The following CHL1 variants were observed in gnomAD, a reference collection of about 807,000 sequenced individuals.
CHL1 encodes the protein cell adhesion molecule L1 like.
A neutral mutation model predicts 141.9 loss-of-function variants in CHL1; 96 were observed. The observed-to-expected ratio is 0.68, with a 90% CI of 0.57 to 0.80. CHL1 has a LOEUF of 0.80. Ranked by LOEUF, CHL1 falls within the 30% of genes least tolerant of loss-of-function variation. CHL1 has a pLI of 0.00. For synonymous variants in CHL1, 613 were observed against 502.2 expected (o/e 1.22, Z -2.95); for missense variants, 1,820 against 1,457.2 (o/e 1.25, Z -4.05).
intron 1 of CHL1, among the ~76,000 whole-genome samples, chr3:238,792 ATG>A (rs1301383121): frequency 5.4e-5 from 8 of 148,694 alleles, no homozygotes; most frequent in African/African-American, 2.0e-4. Flanking sequence ...AAATAGCTGG[ATG>A]TGGTGGCGGG....
intron 2 of CHL1, among the ~76,000 whole-genome samples, chr3:316,374 T>C (rs765736229): frequency 2.0e-5 from 3 of 152,002 alleles, no homozygotes; most frequent in Non-Finnish European, 4.4e-5. Context: ...AAGATATGTA[T>C]TATGTTGGTG....
chr3:337,942 A>C lies in CHL1; in HGVS notation c.386-2852A>C, dbSNP rs773212928. Among the ~76,000 whole-genome samples, 148 of 152,166 alleles carry C rather than the reference A, an allele frequency of 9.7e-4. 1 individual carries two copies. The highest frequency in any genetic ancestry group is 1.4e-3 in the South Asian group (7 of 4,830). ...TTCTAGTTCTAGATCCCTGAGGAAT[A>C]ACACTGTCTTCCACAATGGTTGAAC... On this transcript the variant is annotated intron_variant, in intron 5 of 27. Coordinates refer to ENST00000256509, the MANE Select transcript of CHL1 (RefSeq NM_006614.4).
intron 1 of CHL1, among the ~76,000 whole-genome samples, chr3:205,637 G>A (rs1253557635): frequency 6.6e-6 from 1 of 152,154 alleles, no homozygotes; most frequent in Non-Finnish European, 1.5e-5. Flanking sequence ...ATGTTTGTGT[G>A]TGTCTGTGTG....
chr3:300,112 A>G (rs888476317), intron 2 of CHL1, among the ~76,000 whole-genome samples: 3 of 152,202 alleles, frequency 2.0e-5, no homozygotes, highest in African/African-American at 7.2e-5. Context: ...TATTTCAGAG[A>G]TGAAGTAATA....
At chr3:328,548 T>G (rs1399070979) in intron 5 of CHL1, 194 bp downstream of exon 5, 3 of 448,096 alleles carry the variant, frequency 6.7e-6, no homozygotes, top group Non-Finnish European at 1.2e-5. Context: ...ACAACATAAT[T>G]TGACTCTGTT....
intron 2 of CHL1, among the ~76,000 whole-genome samples, chr3:310,956 A>G (rs1699704587): frequency 1.3e-5 from 2 of 152,100 alleles, no homozygotes; most frequent in South Asian, 4.2e-4. Context: ...CCTTTTCCAG[A>G]GTGTCGTGTA....
intron 1 of CHL1, among the ~76,000 whole-genome samples, chr3:232,182 G>A (rs575218122): frequency 6.6e-6 from 1 of 152,238 alleles, no homozygotes; most frequent in Admixed American, 6.5e-5. Flanking sequence ...AGGCACCGGA[G>A]AATCATGATC....
intron 1 of CHL1, among the ~76,000 whole-genome samples, chr3:238,423 A>T (rs1457287907): frequency 9.3e-6 from 1 of 107,576 alleles, no homozygotes; most frequent in Non-Finnish European, 2.4e-5. Flanking sequence ...AAAGGAAAAA[A>T]AATAAAAAAA....
At position 408,006 on chromosome 3, in the gene CHL1, A is replaced by C. The variant is rs1043895718; in HGVS notation, c.*2295A>C. 3.9e-5 allele frequency: 6 copies of C among 152,096 alleles called. No individual in the cohort carries two copies. Among genetic ancestry groups the C allele is most frequent in the Non-Finnish European group, 1.5e-5 (1 of 68,014 alleles). 9.4% of individuals were successfully genotyped at this position (152,096 alleles called of 1,614,324 possible). On this transcript the variant is annotated 3_prime_UTR_variant, in exon 28 of 28. Coordinates refer to ENST00000256509, the MANE Select transcript of CHL1 (RefSeq NM_006614.4). ...CAACTACTGGGACTCTTCAGCACAA[A>C]AGGAATAGATCTATGATTGACCCTG...
At chr3:326,511 A>T (rs1317855688) in intron 4 of CHL1, among the ~76,000 whole-genome samples, 1 of 151,756 alleles carries the variant, frequency 6.6e-6, no homozygotes, top group Non-Finnish European at 1.5e-5. Context: ...ATTTTTTTTA[A>T]GTTGTCATAG....
chr3:213,726 T>G (rs765104017), intron 1 of CHL1: 8 of 152,106 alleles, frequency 5.3e-5, no homozygotes, highest in Non-Finnish European at 1.0e-4. Flanking sequence ...AGGAAAGAGG[T>G]AGAATTTGGA....
chr3:379,072 C>T lies in CHL1; in HGVS notation c.1876+1130C>T, dbSNP rs1004412626. ...CTTTATCATATGTCTACATTAATCACTGTTATCAACAGACCTTTGTGTCTT... is the reference window on the plus strand; with the variant it reads ...CTTTATCATATGTCTACATTAATCATTGTTATCAACAGACCTTTGTGTCTT... On this transcript the variant is annotated intron_variant, in intron 16 of 27. Coordinates refer to ENST00000256509, the MANE Select transcript of CHL1 (RefSeq NM_006614.4). 2.6e-5 allele frequency among the ~76,000 whole-genome samples: 4 copies of T among 152,092 alleles called. No homozygotes were observed. The East Asian group carries it at 7.7e-4, about 29-fold the overall frequency.
chr3:351,468 G>T (rs534358096), intron 10 of CHL1, among the ~76,000 whole-genome samples: 20 of 152,212 alleles, frequency 1.3e-4, no homozygotes, highest in African/African-American at 4.3e-4. Context: ...CTAAAGTGTG[G>T]AGGTAATAAA....
At chr3:343,181 G>C (rs372228004) in intron 8 of CHL1, 150 bp downstream of exon 8, 5 of 540,610 alleles carry the variant, frequency 9.2e-6, no homozygotes, top group East Asian at 6.3e-5. Context: ...TGCCCCCCAT[G>C]CCCTCTTAAA....
At chr3:378,616 T>C (rs1044604441) in intron 16 of CHL1, among the ~76,000 whole-genome samples, 4 of 152,184 alleles carry the variant, frequency 2.6e-5, no homozygotes, top group African/African-American at 7.2e-5. Context: ...AAGGTTGCTT[T>C]TAAGGACAAC....
chr3:223,500 T>C (rs1340239335), intron 1 of CHL1, among the ~76,000 whole-genome samples: 4 of 152,188 alleles, frequency 2.6e-5, no homozygotes, highest in Non-Finnish European at 5.9e-5. Context: ...TCTCAGAAGG[T>C]TGTTGCAATT....
intron 2 of CHL1, among the ~76,000 whole-genome samples, chr3:297,995 G>C (rs1698356577): frequency 6.6e-6 from 1 of 152,086 alleles, no homozygotes; most frequent in Non-Finnish European, 1.5e-5. Flanking sequence ...ATATTAGGTG[G>C]TCATCTTGAT....
chr3:316,719 T>C, intron 2 of CHL1, among the ~76,000 whole-genome samples: 1 of 151,928 alleles, frequency 6.6e-6, no homozygotes, highest in South Asian at 2.1e-4. Context: ...ATGTAATTAT[T>C]CCACATTGTA....
intron 3 of CHL1, among the ~76,000 whole-genome samples, chr3:324,091 C>G (rs1437196246): frequency 6.6e-6 from 1 of 152,060 alleles, no homozygotes; most frequent in Non-Finnish European, 1.5e-5. Context: ...AACAAATGCT[C>G]TTTGAGATGT....
Sources: gnomAD v4.1 joint callset for allele counts (sites outside exome capture counted in the v4.1 genomes callset) on GRCh38, gnomAD v4.1.1 for gene constraint, MANE v1.5 for transcripts, NCBI Gene and HGNC (gene_info 2026-07-23, HGNC 2026-07-21) for gene names.